KCNH8: variants seen among roughly 807,000 people sequenced by gnomAD.
The protein encoded by KCNH8 is voltage-gated delayed rectifier potassium channel KCNH8.
In KCNH8, 70 loss-of-function variants were observed where a neutral mutation model predicts 103.6. The ratio of observed to expected loss-of-function variants is 0.68; its 90% CI spans 0.56 to 0.82. The LOEUF (loss-of-function observed/expected upper bound fraction) is 0.82, where lower values mean the gene tolerates loss of function less well. Ranked by LOEUF, KCNH8 falls within the 40% of genes least tolerant of loss-of-function variation. KCNH8 has a pLI of 0.00. For synonymous variants in KCNH8, 498 were observed against 489.4 expected (o/e 1.02, Z -0.23); for missense variants, 1,217 against 1,329.9 (o/e 0.92, Z 1.32).
intron 2 of KCNH8, among the ~76,000 whole-genome samples, chr3:19,268,282 G>GA (rs2064540911): frequency 6.6e-6 from 1 of 152,060 alleles, no homozygotes; most frequent in Non-Finnish European, 1.5e-5. Context: ...GGAGTTCAAG[G>GA]AAAACCTCAT....
At chr3:19,526,060 A>G (rs1279234149) in intron 15 of KCNH8, among the ~76,000 whole-genome samples, 1 of 151,978 alleles carries the variant, frequency 6.6e-6, no homozygotes, top group Non-Finnish European at 1.5e-5. Flanking sequence ...ATGCAACATA[A>G]CAAAGGATTA....
intron 5 of KCNH8, among the ~76,000 whole-genome samples, chr3:19,381,462 A>G (rs890579630): frequency 4.6e-5 from 7 of 152,170 alleles, no homozygotes; most frequent in Non-Finnish European, 8.8e-5. Flanking sequence ...GAGTATCTTA[A>G]TGACCTTGGG....
intron 4 of KCNH8, among the ~76,000 whole-genome samples, chr3:19,347,396 G>C (rs2065742832): frequency 6.6e-6 from 1 of 152,028 alleles, no homozygotes; most frequent in Non-Finnish European, 1.5e-5. Flanking sequence ...ATAGCTTTGT[G>C]TTTATAATGT....
At chr3:19,246,272 T>C (rs546327639) in intron 1 of KCNH8, among the ~76,000 whole-genome samples, 1,481 of 141,910 alleles carry the variant, frequency 0.01, 28 homozygotes, top group African/African-American at 0.04. Flanking sequence ...TTTGTTGTTG[T>C]TGTTTTTTTT....
intron 1 of KCNH8, among the ~76,000 whole-genome samples, chr3:19,208,791 T>C (rs1345481609): frequency 6.6e-6 from 1 of 151,968 alleles, no homozygotes; most frequent in Non-Finnish European, 1.5e-5. Context: ...TTTGTGTTGA[T>C]GTTGGTAATA....
At chr3:19,253,498 A>G (rs1415815059) in intron 1 of KCNH8, among the ~76,000 whole-genome samples, 156 bp from the exon 2 acceptor site, 1 of 151,814 alleles carries the variant, frequency 6.6e-6, no homozygotes, top group Non-Finnish European at 1.5e-5. Context: ...GGTCAAGTCC[A>G]TTTTATGTTT....
intron 1 of KCNH8, among the ~76,000 whole-genome samples, chr3:19,229,984 T>A (rs779633758): frequency 2.6e-5 from 4 of 152,048 alleles, no homozygotes; most frequent in Admixed American, 6.5e-5. Flanking sequence ...TAATTGGACT[T>A]AACAGTTCCA....
chr3:19,418,873 C>G (rs1373733367), intron 7 of KCNH8, among the ~76,000 whole-genome samples: 1 of 152,186 alleles, frequency 6.6e-6, no homozygotes, highest in Non-Finnish European at 1.5e-5. Flanking sequence ...GTAAAGGTCT[C>G]ATGCTCTTTA....
chr3:19,521,187 C>T (rs2068965459), intron 15 of KCNH8, among the ~76,000 whole-genome samples: 1 of 151,886 alleles, frequency 6.6e-6, no homozygotes, highest in Non-Finnish European at 1.5e-5. Context: ...TCTGGCTGAC[C>T]CAGAAAGATA....
intron 1 of KCNH8, among the ~76,000 whole-genome samples, chr3:19,173,587 C>T (rs1176894245): frequency 1.3e-5 from 2 of 151,920 alleles, no homozygotes; most frequent in Admixed American, 6.6e-5. Context: ...ATAGAGTAAG[C>T]GATTTAGAGA....
chr3:19,464,895 T>G (rs542798858), intron 11 of KCNH8, among the ~76,000 whole-genome samples: 1 of 152,246 alleles, frequency 6.6e-6, no homozygotes, highest in South Asian at 2.1e-4. Context: ...GTAAAATAAT[T>G]TAATAAATTA....
chr3:19,290,928 A>T (rs1420158055), intron 3 of KCNH8, among the ~76,000 whole-genome samples: 1 of 152,060 alleles, frequency 6.6e-6, no homozygotes, highest in Non-Finnish European at 1.5e-5. Context: ...AGCGCCTGTT[A>T]TTGGTCTATT....
intron 11 of KCNH8, among the ~76,000 whole-genome samples, chr3:19,486,582 A>AT (rs138000158): frequency 3.3e-5 from 5 of 151,858 alleles, no homozygotes; most frequent in African/African-American, 7.3e-5. Context: ...TGTAACTGCC[A>AT]TTTTTTTTCT....
Position 19,342,718 on chromosome 3 carries a change from G to A in KCNH8, c.570+4G>A, listed in dbSNP as rs369965488. Reference sequence around the variant, plus strand: ...GAACAAATTGAAAATAAATAACGTAGGTGGTATGTGTGTACAGGATGAATG... The same window carrying A: ...GAACAAATTGAAAATAAATAACGTAAGTGGTATGTGTGTACAGGATGAATG... On this transcript the variant is annotated splice_donor_region_variant and intron_variant, in intron 4 of 15. Coordinates refer to ENST00000328405, the MANE Select transcript of KCNH8 (RefSeq NM_144633.3). 1 of 1,601,774 alleles carries A rather than the reference G, an allele frequency of 6.2e-7. No individual in the cohort carries two copies. The highest frequency in any genetic ancestry group is 8.5e-7 in the Non-Finnish European group (1 of 1,171,848).
At chr3:19,414,906 A>G (rs1447786582) in intron 7 of KCNH8, among the ~76,000 whole-genome samples, 1 of 151,882 alleles carries the variant, frequency 6.6e-6, no homozygotes, top group Non-Finnish European at 1.5e-5. Context: ...TATAATAGAA[A>G]CCTGCCAGAA....
chr3:19,395,259 C>T lies in KCNH8; in HGVS notation c.1125C>T (p.Tyr375=), dbSNP rs781283040. The T allele has an allele frequency of 3.2e-5, 51 of 1,609,728 alleles. No individual in the cohort carries two copies. The South Asian group carries it at 4.4e-4, about 14-fold the overall frequency. ...CACACTGGATGGCGTGTATCTGGTA[C>T]GTCATTGGAAAAATGGAGAGGGAAG... ...LLAHWMACIW[Y]VIGKMEREDN... is the part of the protein sequence containing the mutation. Residue 375 remains tyrosine (Y), a synonymous_variant, in exon 7 of 16, where the codon TAC becomes TAT. Coordinates refer to ENST00000328405, the MANE Select transcript of KCNH8 (RefSeq NM_144633.3).
chr3:19,459,494 C>A (rs1172305882), intron 11 of KCNH8, among the ~76,000 whole-genome samples: 1 of 151,868 alleles, frequency 6.6e-6, no homozygotes, highest in Non-Finnish European at 1.5e-5. Context: ...ATGTATTTTG[C>A]ATATTAACTC....
At chr3:19,176,857 A>T (rs1283787787) in intron 1 of KCNH8, among the ~76,000 whole-genome samples, 1 of 152,156 alleles carries the variant, frequency 6.6e-6, no homozygotes, top group African/African-American at 2.4e-5. Context: ...GAGATATAGG[A>T]GTTAAGTTCT....
In KCNH8 at chr3:19,253,759, T is replaced by C. The variant is rs758839261; in HGVS notation, c.182T>C (p.Met61Thr). Reference sequence around the variant, plus strand: ...GCTGGATTTGCCCGAACTGAAGTCATGCAGAAGAGTTGTAGCTGCAAGTTC... The same window carrying C: ...GCTGGATTTGCCCGAACTGAAGTCACGCAGAAGAGTTGTAGCTGCAAGTTC... Reference protein sequence around the residue: ...ELAGFARTEVMQKSCSCKFLF... With the variant: ...ELAGFARTEVTQKSCSCKFLF... Residue 61 changes from methionine (M) to threonine (T), a missense_variant, in exon 2 of 16, where the codon ATG becomes ACG. Met to Thr is a moderately conservative substitution (Grantham distance 81). This residue lies in a region of KCNH8 where 244 missense variants were observed against 256.8 expected (regional missense o/e 0.95). Coordinates refer to ENST00000328405, the MANE Select transcript of KCNH8 (RefSeq NM_144633.3). The C allele has an allele frequency of 1.2e-6, 2 of 1,613,916 alleles. No homozygotes were observed. The highest frequency in any genetic ancestry group is 8.5e-7 in the Non-Finnish European group (1 of 1,179,932).
Sources: gnomAD v4.1 joint callset for allele counts (sites outside exome capture counted in the v4.1 genomes callset) on GRCh38, gnomAD v4.1.1 for gene constraint, gnomAD v4.1.1 regional missense constraint, MANE v1.5 for transcripts, NCBI Gene and HGNC (gene_info 2026-07-23, HGNC 2026-07-21) for gene names.